FGF7: variants seen among roughly 807,000 people sequenced by gnomAD.
FGF7 encodes FGF-7.
FGF7 carries 6 observed loss-of-function variants against 20.5 expected under a neutral mutation model. The ratio of observed to expected loss-of-function variants is 0.29; its 90% CI spans 0.16 to 0.58. The LOEUF (loss-of-function observed/expected upper bound fraction) is 0.58. Ranked by LOEUF, FGF7 falls within the 20% of genes least tolerant of loss-of-function variation. The pLI, the probability that FGF7 is intolerant of heterozygous loss-of-function variation, is 0.90. For missense variants in FGF7, 144 were observed against 228.8 expected (o/e 0.63, Z 2.39); for synonymous variants, 64 against 74.7 (o/e 0.86, Z 0.74).
intron 2 of FGF7, among the ~76,000 whole-genome samples, chr15:49,463,546 G>A (rs534457365): frequency 3.4e-4 from 36 of 106,290 alleles, no homozygotes; most frequent in African/African-American, 1.4e-3. Flanking sequence ...GTGAGATTCC[G>A]TCTCAAAAAA....
intron 2 of FGF7, among the ~76,000 whole-genome samples, chr15:49,451,156 A>G (rs1031060305): frequency 5.3e-5 from 8 of 152,166 alleles, no homozygotes; most frequent in African/African-American, 1.7e-4. Flanking sequence ...TTTCCAAAAT[A>G]TTAACTAAGA....
intron 2 of FGF7, among the ~76,000 whole-genome samples, chr15:49,463,252 C>T (rs77324001): frequency 1.3e-5 from 2 of 152,088 alleles, no homozygotes; most frequent in Non-Finnish European, 2.9e-5. Flanking sequence ...CCATCCTCTA[C>T]AGAATAAAAA....
At chr15:49,449,229 G>A (rs898624092) in intron 2 of FGF7, among the ~76,000 whole-genome samples, 3 of 151,844 alleles carry the variant, frequency 2.0e-5, no homozygotes, top group African/African-American at 7.3e-5. Context: ...CTCATATTGG[G>A]CTCCTAGTAT....
chr15:49,479,683 G>A (rs997519473), intron 2 of FGF7, among the ~76,000 whole-genome samples: 12 of 136,228 alleles, frequency 8.8e-5, no homozygotes, highest in East Asian at 6.9e-4. Flanking sequence ...GTGAAATCTC[G>A]GCTCACTGCA....
intron 3 of FGF7, among the ~76,000 whole-genome samples, chr15:49,483,815 T>C (rs1294347499): frequency 1.3e-5 from 2 of 152,086 alleles, no homozygotes; most frequent in Non-Finnish European, 2.9e-5. Flanking sequence ...ACAGGTTTAA[T>C]TGAATGAACA....
chr15:49,437,285 A>G (rs1597181651), intron 2 of FGF7, among the ~76,000 whole-genome samples: 1 of 151,752 alleles, frequency 6.6e-6, no homozygotes, highest in East Asian at 1.9e-4. Flanking sequence ...TCCAAATACA[A>G]AGCAACACAA....
At chr15:49,455,469 T>C (rs1409084006) in intron 2 of FGF7, among the ~76,000 whole-genome samples, 1 of 152,160 alleles carries the variant, frequency 6.6e-6, no homozygotes, top group Non-Finnish European at 1.5e-5. Flanking sequence ...AGTAAGGCAA[T>C]GTTAAAAATA....
intron 2 of FGF7, among the ~76,000 whole-genome samples, chr15:49,433,704 C>A (rs1171609243): frequency 6.6e-6 from 1 of 151,606 alleles, no homozygotes; most frequent in Non-Finnish European, 1.5e-5. Context: ...ACAGTTACCA[C>A]TGGTGACACT....
intron 2 of FGF7, among the ~76,000 whole-genome samples, chr15:49,432,405 C>A (rs2050696309): frequency 6.6e-6 from 1 of 151,632 alleles, no homozygotes; most frequent in Non-Finnish European, 1.5e-5. Flanking sequence ...AGCAGAATTT[C>A]TCTGAGTCTA....
intron 2 of FGF7, among the ~76,000 whole-genome samples, chr15:49,461,792 C>T (rs1416791472): frequency 3.3e-5 from 5 of 152,184 alleles, no homozygotes. Context: ...AATTATGGTA[C>T]TGATTTAATT....
rs2049918938 is a variant in FGF7, at chr15:49,424,110, T to A, written c.-188T>A. 2.1e-6 allele frequency: 1 copy of A among 479,696 alleles called. No homozygotes were observed. Among genetic ancestry groups the A allele is most frequent in the East Asian group, 3.1e-5 (1 of 32,728 alleles). 29.7% of individuals were successfully genotyped at this position (479,696 alleles called of 1,614,324 possible). A position where few individuals can be genotyped will look rare whatever the true frequency, so the allele number is the denominator to read the frequency against. Reference sequence around the variant, plus strand: ...ATGAGGATTTATCAACAGAGTTATTTAAGGAGGAATCCTGTGTTGTTATCA... The same window carrying A: ...ATGAGGATTTATCAACAGAGTTATTAAAGGAGGAATCCTGTGTTGTTATCA... On this transcript the variant is annotated 5_prime_UTR_variant, in exon 2 of 4. It introduces an in-frame stop codon into an upstream open reading frame of the 5' UTR. Transcript: ENST00000267843.
chr15:49,483,005 G>A, intron 2 of FGF7, 146 bp from the exon 3 acceptor site: 1 of 652,440 alleles, frequency 1.5e-6, no homozygotes, highest in Non-Finnish European at 2.8e-6. Context: ...TATCTGTTGT[G>A]GGTCAGGGGT....
At chr15:49,438,475 G>T (rs1008651854) in intron 2 of FGF7, among the ~76,000 whole-genome samples, 7 of 151,722 alleles carry the variant, frequency 4.6e-5, no homozygotes, top group African/African-American at 1.7e-4. Context: ...AAGAGAAAAG[G>T]GAGAAAAGTA....
At chr15:49,445,999 C>T (rs1387877153) in intron 2 of FGF7, among the ~76,000 whole-genome samples, 1 of 151,346 alleles carries the variant, frequency 6.6e-6, no homozygotes, top group Non-Finnish European at 1.5e-5. Flanking sequence ...GAATTTTTTC[C>T]TTACTGGAAT....
At chr15:49,455,773 T>C (rs12595701) in intron 2 of FGF7, among the ~76,000 whole-genome samples, 3,735 of 152,268 alleles carry the variant, frequency 0.025, 122 homozygotes, top group South Asian at 0.16. Context: ...ACTTTGGGTA[T>C]GGTCAATAGA....
intron 1 of FGF7, among the ~76,000 whole-genome samples, 170 bp from the exon 2 acceptor site, chr15:49,423,862 T>G (rs1194729096): frequency 1.3e-5 from 2 of 152,156 alleles, no homozygotes; most frequent in African/African-American, 4.8e-5. Context: ...AATCTACACA[T>G]AAAGTGGTAA....
chr15:49,445,991 A>AT (rs900063154), intron 2 of FGF7, among the ~76,000 whole-genome samples: 4 of 151,458 alleles, frequency 2.6e-5, no homozygotes, highest in African/African-American at 9.7e-5. Context: ...AAATTCATGA[A>AT]TTTTTTCCTT....
chr15:49,478,053 T>G (rs1015029567), intron 2 of FGF7, among the ~76,000 whole-genome samples: 2 of 152,102 alleles, frequency 1.3e-5, no homozygotes, highest in African/African-American at 4.8e-5. Flanking sequence ...ACCTAATGGT[T>G]TTTCAACCCT....
chr15:49,485,271 A>T lies in FGF7; in HGVS notation c.*767A>T, dbSNP rs60771113. The T allele has an allele frequency of 0.33, 49,656 of 151,944 alleles. 8,882 individuals carry two copies. The highest frequency in any genetic ancestry group is 0.46 in the African/African-American group (18,976 of 41,328). 9.4% of individuals were successfully genotyped at this position (151,944 alleles called of 1,614,324 possible). ...CTTGCCACAAAATAACATTTTATAA[A>T]TCCTCAAAGTAAAATTGAGAAATCT... On this transcript the variant is annotated 3_prime_UTR_variant, in exon 4 of 4. Coordinates refer to ENST00000267843, the MANE Select transcript of FGF7 (RefSeq NM_002009.4).
Sources: allele counts gnomAD v4.1 joint callset (sites outside exome capture counted in the v4.1 genomes callset), GRCh38; gene constraint gnomAD v4.1.1; transcripts MANE v1.5; gene names NCBI Gene and HGNC (gene_info 2026-07-23, HGNC 2026-07-21).